The following SYTL2 variants were observed in gnomAD, a reference collection of about 807,000 sequenced individuals.
SYTL2 encodes synaptotagmin like 2.
A neutral mutation model predicts 198.7 loss-of-function variants in SYTL2; 165 were observed. That is an observed-to-expected ratio of 0.83 (90% confidence interval 0.73 to 0.94). The LOEUF is 0.94. Among genes scored for constraint, SYTL2 ranks in the 40% least tolerant of loss-of-function variants. SYTL2 has a pLI of 0.00. For synonymous variants in SYTL2, 966 were observed against 917.7 expected (o/e 1.05, Z -0.95); for missense variants, 2,835 against 2,582.8 (o/e 1.10, Z -2.12).
chr11:85,840,070 C>T, the SYTL2 span, among the ~76,000 whole-genome samples: 1 of 152,098 alleles, frequency 6.6e-6, no homozygotes, highest in African/African-American at 2.4e-5. Flanking sequence ...TGCCTGTTTG[C>T]CATTTGTATG....
chr11:85,782,831 C>T (rs181348057), intron 1 of SYTL2, among the ~76,000 whole-genome samples: 204 of 152,336 alleles, frequency 1.3e-3, no homozygotes, highest in African/African-American at 4.7e-3. Flanking sequence ...GCTCCAGTTC[C>T]CAACAAGTTC....
intron 9 of SYTL2, 101 bp from the exon 10 acceptor site, chr11:85,718,944 T>G: frequency 6.4e-7 from 1 of 1,552,470 alleles, no homozygotes; most frequent in Non-Finnish European, 8.7e-7. Flanking sequence ...AAGCAATTAG[T>G]CAAGATGCAA....
At position 85,795,357 on chromosome 11, in the gene SYTL2, C is replaced by A. The variant is rs1445514; in HGVS notation, c.-390+15597G>T. ...ACTGAACCCTCTCAGCCAGAGCACA[C>A]TAATGTGAACTGGGGTCTGGGCTGC... On this transcript the variant is annotated intron_variant, in intron 1 of 19. Coordinates refer to ENST00000359152, the MANE Select transcript of SYTL2 (RefSeq NM_206927.4). Among the ~76,000 whole-genome samples the A allele has an allele frequency of 2.0e-3, 300 of 152,262 alleles. 2 individuals carry two copies. Among genetic ancestry groups the A allele is most frequent in the Non-Finnish European group, 3.5e-3 (238 of 68,018 alleles).
intron 4 of SYTL2, among the ~76,000 whole-genome samples, chr11:85,745,313 T>C (rs2091075982): frequency 6.6e-6 from 1 of 152,220 alleles, no homozygotes; most frequent in Non-Finnish European, 1.5e-5. Context: ...TTCCTTGATA[T>C]TCAAATTGAA....
chr11:85,792,743 G>C (rs1319446636), intron 1 of SYTL2, among the ~76,000 whole-genome samples: 1 of 151,516 alleles, frequency 6.6e-6, no homozygotes, highest in Non-Finnish European at 1.5e-5. Flanking sequence ...TCGTCATTTA[G>C]CATTAGGTAG....
intron 1 of SYTL2, among the ~76,000 whole-genome samples, chr11:85,767,200 A>G (rs1253561202): frequency 6.6e-6 from 1 of 152,246 alleles, no homozygotes; most frequent in East Asian, 1.9e-4. Context: ...GTGGATGAGG[A>G]ATCTGTGATG....
rs746557682 is a variant in SYTL2 at position 85,724,736 on chromosome 11, T to G, written c.4622A>C (p.Glu1541Ala). ...TTCTTTTAATTCCTCAGGATGGCAT[T>G]CAGAAGTGGCTCGCCTGGGCTCCTC... is the stretch of plus-strand genomic sequence containing the variant. ...STEEPRRATS[E>A]CHPEELKETV... The change falls in exon 8 of 20, where the codon GAA (glutamate) becomes GCA (alanine). Residue 1541 changes from glutamate (E) to alanine (A), a missense_variant. Transcript: ENST00000359152. 5 of 1,613,716 alleles carry G rather than the reference T, an allele frequency of 3.1e-6. No individual in the cohort carries two copies. The highest frequency in any genetic ancestry group is 4.2e-6 in the Non-Finnish European group (5 of 1,179,922).
chr11:85,716,988 G>A (rs1473669244), intron 11 of SYTL2: 2 of 152,522 alleles, frequency 1.3e-5, no homozygotes, highest in African/African-American at 4.8e-5. Context: ...GAAACTCAGA[G>A]TTTAAACCCT....
chr11:85,766,788 A>G (rs952284320), intron 1 of SYTL2, among the ~76,000 whole-genome samples: 9 of 152,250 alleles, frequency 5.9e-5, no homozygotes, highest in African/African-American at 2.2e-4. Context: ...GCAGTGGGCT[A>G]TAAAACTTTT....
chr11:85,757,756 C>A lies in SYTL2; in HGVS notation c.-31G>T, dbSNP rs2091952276. Reference sequence around the variant, plus strand: ...AAAGTGCATGCAAAAATAATAGCAACAAATGTGGCTCAAAATTCTCAGGGC... The same window carrying A: ...AAAGTGCATGCAAAAATAATAGCAAAAAATGTGGCTCAAAATTCTCAGGGC... On this transcript the variant is annotated 5_prime_UTR_variant, in exon 2 of 20. Transcript: ENST00000359152. 5 of 1,606,272 alleles carry A rather than the reference C, an allele frequency of 3.1e-6. No individual in the cohort carries two copies. The East Asian group carries it at 6.7e-5, about 21-fold the overall frequency.
At chr11:85,840,720 G>C in the SYTL2 span, among the ~76,000 whole-genome samples, 1 of 152,040 alleles carries the variant, frequency 6.6e-6, no homozygotes, top group East Asian at 1.9e-4. Flanking sequence ...ATTAACTCAA[G>C]ATGGATTAAA....
chr11:85,789,575 C>A (rs897663252), intron 1 of SYTL2, among the ~76,000 whole-genome samples: 6 of 150,972 alleles, frequency 4.0e-5, no homozygotes, highest in Non-Finnish European at 7.4e-5. Context: ...TTATTCTCTT[C>A]CTTTTTGATA....
chr11:85,843,364 T>C, the SYTL2 span, among the ~76,000 whole-genome samples: 1 of 151,986 alleles, frequency 6.6e-6, no homozygotes, highest in Non-Finnish European at 1.5e-5. Flanking sequence ...CAAGATTCTG[T>C]CTCAAAAATA....
At chr11:85,815,993 A>T (rs2093060787), upstream of SYTL2, among the ~76,000 whole-genome samples, 1 of 152,064 alleles carries the variant, frequency 6.6e-6, no homozygotes, top group Admixed American at 6.5e-5. Context: ...GTAAAACCCC[A>T]TCTCTACCAA....
chr11:85,746,206 A>T (rs2091146792), intron 3 of SYTL2, among the ~76,000 whole-genome samples: 2 of 152,166 alleles, frequency 1.3e-5, no homozygotes, highest in African/African-American at 4.8e-5. Flanking sequence ...TATGTGCTCT[A>T]AGATACAAAG....
Position 85,745,762 on chromosome 11 carries a change from A to ACT in SYTL2, c.262_263dup (p.Ser88ArgfsTer14). The ACT allele has an allele frequency of 6.2e-7, 1 of 1,611,670 alleles. No individual in the cohort carries two copies. Among genetic ancestry groups the ACT allele is most frequent in the Non-Finnish European group, 8.5e-7 (1 of 1,178,354 alleles). On this transcript the variant is annotated frameshift_variant, in exon 4 of 20. Transcript: ENST00000359152. LOFTEE classifies it high-confidence loss of function. ...CCTTTGCCCCATTTTCTCTGTCTTT[A>ACT]CTCTGCTCAGCTGAAACAGGAAACA...
chr11:85,700,766 G>A (rs937649321), intron 16 of SYTL2, 173 bp from the exon 17 acceptor site: 2 of 523,264 alleles, frequency 3.8e-6, no homozygotes, highest in Admixed American at 3.6e-5. Flanking sequence ...CTTAATACCT[G>A]GGAAAACTAG....
At chr11:85,832,263 G>A in the SYTL2 span, among the ~76,000 whole-genome samples, 1 of 152,102 alleles carries the variant, frequency 6.6e-6, no homozygotes, top group Non-Finnish European at 1.5e-5. Context: ...CATATGAGGT[G>A]GGTATTACTA....
the SYTL2 span, among the ~76,000 whole-genome samples, chr11:85,836,874 A>C: frequency 6.6e-6 from 1 of 152,214 alleles, no homozygotes; most frequent in Non-Finnish European, 1.5e-5. Flanking sequence ...TAGATAGACA[A>C]GGTAATTTAG....
Sources: gnomAD v4.1 joint callset for allele counts (sites outside exome capture counted in the v4.1 genomes callset) on GRCh38, gnomAD v4.1.1 for gene constraint, MANE v1.5 for transcripts, NCBI Gene and HGNC (gene_info 2026-07-23, HGNC 2026-07-21) for gene names.